STXBP5L: variants seen among roughly 807,000 people sequenced by gnomAD.
STXBP5L encodes the protein syntaxin-binding protein 5-like.
A neutral mutation model predicts 144.5 loss-of-function variants in STXBP5L; 65 were observed. That is an observed-to-expected ratio of 0.45 (90% CI 0.37 to 0.55). The LOEUF is 0.55. STXBP5L is among the 20% of genes least tolerant of loss of function. The pLI, the probability that STXBP5L is intolerant of heterozygous loss-of-function variation, is 0.00. For missense variants in STXBP5L, 1,298 were observed against 1,405.5 expected (o/e 0.92, Z 1.22); for synonymous variants, 505 against 469.6 (o/e 1.08, Z -0.97).
rs547664915 is a variant in STXBP5L, at chr3:121,052,146, C to T, written c.470+6611C>T. On this transcript the variant is annotated intron_variant, in intron 5 of 26. Coordinates refer to ENST00000471454, the MANE Select transcript of STXBP5L (RefSeq NM_001308330.2). ...GATGGATTCACAACCGAATTCTACC[C>T]GAGGTACAAGGAGGAGCTGGTACCA... Among the ~76,000 whole-genome samples, 7 of 152,164 alleles carry T rather than the reference C, an allele frequency of 4.6e-5. No individual in the cohort carries two copies. The East Asian group carries it at 7.7e-4, about 17-fold the overall frequency.
At chr3:121,146,377 A>G (rs1003595744) in intron 7 of STXBP5L, among the ~76,000 whole-genome samples, 1 of 152,020 alleles carries the variant, frequency 6.6e-6, no homozygotes, top group African/African-American at 2.4e-5. Flanking sequence ...TGTATAATGG[A>G]TAAGTTAATA....
chr3:121,015,513 T>G (rs1426504223), intron 3 of STXBP5L, among the ~76,000 whole-genome samples: 6 of 152,088 alleles, frequency 3.9e-5, no homozygotes, highest in Non-Finnish European at 8.8e-5. Flanking sequence ...AGTAACTTTT[T>G]TCAAATTGGT....
chr3:121,062,916 T>C (rs926150160), intron 5 of STXBP5L, among the ~76,000 whole-genome samples: 1 of 152,230 alleles, frequency 6.6e-6, no homozygotes, highest in African/African-American at 2.4e-5. Context: ...CTGACCTTTT[T>C]TCTAGGTTCT....
chr3:121,289,947 T>C (rs2051366465), intron 19 of STXBP5L, among the ~76,000 whole-genome samples: 1 of 151,610 alleles, frequency 6.6e-6, no homozygotes, highest in Non-Finnish European at 1.5e-5. Flanking sequence ...AATGCCTACA[T>C]CAAAAAGTCT....
At chr3:121,358,486 G>A (rs1446705290) in intron 20 of STXBP5L, among the ~76,000 whole-genome samples, 2 of 152,142 alleles carry the variant, frequency 1.3e-5, no homozygotes, top group Non-Finnish European at 2.9e-5. Context: ...AGCAAAGGGG[G>A]CAGTGCTGCA....
intron 19 of STXBP5L, among the ~76,000 whole-genome samples, chr3:121,311,973 T>TACTGGTACCAAAACAGCAA (rs1559962502): frequency 2.6e-5 from 4 of 152,142 alleles, no homozygotes; most frequent in Non-Finnish European, 5.9e-5. Context: ...CAAAACAGCA[T>TACTGGTACCAAAACAGCAA]GGTACTGGTA....
intron 19 of STXBP5L, among the ~76,000 whole-genome samples, chr3:121,316,528 T>C (rs2043794339): frequency 6.6e-6 from 1 of 152,230 alleles, no homozygotes; most frequent in Non-Finnish European, 1.5e-5. Flanking sequence ...ATTGATGTAA[T>C]AGCCTTTCTT....
chr3:121,045,652 AT>A, intron 5 of STXBP5L, 117 bp downstream of exon 5: 6 of 892,216 alleles, frequency 6.7e-6, no homozygotes, highest in Non-Finnish European at 8.6e-6. Flanking sequence ...AAATAATTTA[AT>A]GTTTATGCTT....
intron 7 of STXBP5L, 92 bp downstream of exon 7, chr3:121,121,796 C>A: frequency 1.3e-6 from 1 of 775,264 alleles, no homozygotes; most frequent in Non-Finnish European, 2.1e-6. Context: ...AGTATCTAGC[C>A]CAGTTGATAG....
chr3:121,132,578 T>C (rs1349551706), intron 7 of STXBP5L, among the ~76,000 whole-genome samples: 1 of 152,164 alleles, frequency 6.6e-6, no homozygotes, highest in East Asian at 1.9e-4. Context: ...CTGCTTTGCC[T>C]AAAGTGCAGA....
chr3:120,946,595 A>T (rs1710870700), intron 2 of STXBP5L, among the ~76,000 whole-genome samples: 2 of 151,690 alleles, frequency 1.3e-5, no homozygotes, highest in Non-Finnish European at 3.0e-5. Context: ...GGGGAACAGT[A>T]GACAGTCCCC....
At chr3:121,134,729 A>T (rs1181816118) in intron 7 of STXBP5L, among the ~76,000 whole-genome samples, 14 of 152,310 alleles carry the variant, frequency 9.2e-5, no homozygotes, top group Non-Finnish European at 8.8e-5. Context: ...TGCAAAGGAC[A>T]TGAACTCATC....
intron 14 of STXBP5L, among the ~76,000 whole-genome samples, chr3:121,242,595 CAG>C (rs1471425322): frequency 1.3e-5 from 2 of 151,840 alleles, no homozygotes; most frequent in African/African-American, 2.4e-5. Context: ...AAAAAGGAAA[CAG>C]AAAAAATTAT....
intron 3 of STXBP5L, among the ~76,000 whole-genome samples, chr3:121,021,479 C>T (rs1282892306): frequency 6.6e-6 from 1 of 152,138 alleles, no homozygotes; most frequent in East Asian, 1.9e-4. Context: ...CATTCATTAG[C>T]ATATGGAACA....
chr3:121,069,958 C>T (rs184976708), intron 5 of STXBP5L, among the ~76,000 whole-genome samples: 1 of 152,162 alleles, frequency 6.6e-6, no homozygotes, highest in Non-Finnish European at 1.5e-5. Context: ...CTCTTAGCAG[C>T]ACTTTTGCTG....
At chr3:121,060,921 G>T (rs933464458) in intron 5 of STXBP5L, among the ~76,000 whole-genome samples, 2 of 152,182 alleles carry the variant, frequency 1.3e-5, no homozygotes, top group East Asian at 3.9e-4. Flanking sequence ...CAAAAAACCA[G>T]CTCCTGGATT....
intron 20 of STXBP5L, among the ~76,000 whole-genome samples, chr3:121,347,424 T>G (rs1292973241): frequency 6.6e-6 from 1 of 152,218 alleles, no homozygotes; most frequent in Non-Finnish European, 1.5e-5. Context: ...TAGGATTGAC[T>G]TGGATTGACT....
intron 11 of STXBP5L, among the ~76,000 whole-genome samples, chr3:121,229,702 T>C (rs2049240512): frequency 6.6e-6 from 1 of 152,054 alleles, no homozygotes; most frequent in Admixed American, 6.6e-5. Flanking sequence ...ACTCCAAGTG[T>C]ATGTCACCAT....
intron 5 of STXBP5L, among the ~76,000 whole-genome samples, chr3:121,049,109 G>A (rs1203024432): frequency 1.3e-5 from 2 of 151,976 alleles, no homozygotes; most frequent in Non-Finnish European, 2.9e-5. Flanking sequence ...ACCCCGGTAG[G>A]GAGACACTGC....
Sources: allele counts gnomAD v4.1 joint callset (sites outside exome capture counted in the v4.1 genomes callset), GRCh38; gene constraint gnomAD v4.1.1; transcripts MANE v1.5; gene names NCBI Gene and HGNC (gene_info 2026-07-23, HGNC 2026-07-21).